Variants in ZFP91 observed in about 807,000 individuals in gnomAD.
ZFP91 encodes the protein E3 ubiquitin-protein ligase ZFP91.
ZFP91 carries 7 observed loss-of-function variants against 63.5 expected under a neutral mutation model. That is an observed-to-expected ratio of 0.11 (90% CI 0.06 to 0.21). ZFP91 has a LOEUF of 0.21. Among genes scored for constraint, ZFP91 ranks in the 10% least tolerant of loss-of-function variants. The pLI is 1.00. For missense variants in ZFP91, 628 were observed against 736.6 expected (o/e 0.85, Z 1.71); for synonymous variants, 330 against 272.1 (o/e 1.21, Z -2.10).
chr11:58,596,603 TG>T (rs1855408017), intron 2 of ZFP91, among the ~76,000 whole-genome samples: 1 of 152,184 alleles, frequency 6.6e-6, no homozygotes, highest in East Asian at 1.9e-4. Context: ...ATCTTCATCA[TG>T]TCATCTTGTT....
chr11:58,615,634 G>A (rs1590631078), intron 9 of ZFP91, among the ~76,000 whole-genome samples: 2 of 152,260 alleles, frequency 1.3e-5, no homozygotes, highest in Middle Eastern at 6.8e-3. Flanking sequence ...AGTTTCCTAA[G>A]TTAGAACTGT....
chr11:58,579,957 C>T (rs1383979076), intron 1 of ZFP91, among the ~76,000 whole-genome samples: 1 of 152,200 alleles, frequency 6.6e-6, no homozygotes, highest in Non-Finnish European at 1.5e-5. Context: ...CACCCTATCC[C>T]TTTCCTTTAG....
At position 58,618,530 on chromosome 11, in the gene ZFP91, T is replaced by C. The variant is rs1014352370; in HGVS notation, c.*824T>C. 2 of 387,260 alleles carry C rather than the reference T, an allele frequency of 5.2e-6. No individual in the cohort carries two copies. The highest frequency in any genetic ancestry group is 4.2e-5 in the African/African-American group (2 of 47,184). The allele number at this position is 387,260 out of a possible 1,614,324, so 24.0% of individuals were successfully genotyped here. A position where few individuals can be genotyped will look rare whatever the true frequency, so the allele number is the denominator to read the frequency against. On this transcript the variant is annotated 3_prime_UTR_variant, in exon 11 of 11. Coordinates refer to ENST00000316059, the MANE Select transcript of ZFP91 (RefSeq NM_053023.5). ...ATTTGCACTTTGAACATGTGTGTTT[T>C]TGTGTTGTGGAACCTGAGATTCCTT...
chr11:58,592,654 G>C (rs1855327451), intron 2 of ZFP91, among the ~76,000 whole-genome samples: 1 of 152,104 alleles, frequency 6.6e-6, no homozygotes, highest in Admixed American at 6.6e-5. Flanking sequence ...ACCGAACGCT[G>C]GGGGGTTAGG....
chr11:58,598,165 T>G (rs1261404328), intron 2 of ZFP91, among the ~76,000 whole-genome samples: 24 of 152,304 alleles, frequency 1.6e-4, no homozygotes, highest in Non-Finnish European at 1.6e-4. Context: ...TACGTTTCTT[T>G]ACATTTCTCT....
At position 58,610,979 on chromosome 11, in the gene ZFP91, A is replaced by G. The variant is rs113748078; in HGVS notation, c.647A>G (p.Glu216Gly). The G allele has an allele frequency of 6.2e-7, 1 of 1,612,932 alleles. No individual in the cohort carries two copies. Among genetic ancestry groups the G allele is most frequent in the East Asian group, 2.2e-5 (1 of 44,780 alleles). ...GAAGAGGAAGAGGAGGAGGAAGAAG[A>G]GATGTTAATCAGTGAAGAGGAGATA... ...SSEEEEEEEE[E>G]MLISEEEIPF... Residue 216 changes from glutamate to glycine, a missense_variant, in exon 5 of 11, where the codon GAG becomes GGG. Around this residue, in one of 3 missense-constraint regions of ZFP91, gnomAD observed 437 missense variants for 380.3 expected, o/e 1.15. Coordinates refer to ENST00000316059, the MANE Select transcript of ZFP91 (RefSeq NM_053023.5).
intron 2 of ZFP91, 44 bp downstream of exon 2, chr11:58,584,928 T>A: frequency 7.2e-7 from 1 of 1,395,110 alleles, no homozygotes; most frequent in South Asian, 1.7e-5. Context: ...TTACACTGAT[T>A]ATCTTTTAAT....
intron 9 of ZFP91, among the ~76,000 whole-genome samples, chr11:58,615,162 G>A (rs1009006650): frequency 6.6e-6 from 1 of 152,164 alleles, no homozygotes; most frequent in Non-Finnish European, 1.5e-5. Flanking sequence ...TTATTGTAGG[G>A]ATGAAATGAG....
intron 9 of ZFP91, among the ~76,000 whole-genome samples, chr11:58,616,355 T>C (rs1855748830): frequency 6.6e-6 from 1 of 152,274 alleles, no homozygotes; most frequent in South Asian, 2.1e-4. Flanking sequence ...GTGAAAAAAA[T>C]TGTTTACTCC....
Position 58,579,063 on chromosome 11 carries a change from GTGGCGCGCGCGCGCGCGCC to G in ZFP91, c.-218_-200del. 1 of 362,620 alleles carries G rather than the reference GTGGCGCGCGCGCGCGCGCC, an allele frequency of 2.8e-6. No individual in the cohort carries two copies. Among genetic ancestry groups the G allele is most frequent in the East Asian group, 4.3e-5 (1 of 23,006 alleles). 22.5% of individuals were successfully genotyped at this position (362,620 alleles called of 1,614,324 possible). A position where few individuals can be genotyped will look rare whatever the true frequency, so the allele number is the denominator to read the frequency against. On this transcript the variant is annotated 5_prime_UTR_variant, in exon 1 of 11. Coordinates refer to ENST00000316059, the MANE Select transcript of ZFP91 (RefSeq NM_053023.5). ...TTTCCGATTGGCCCGCTGAGCGTCT[GTGGCGCGCGCGCGCGCGCC>G]GCCAGCGGTAGCGGACCTTGAGTGG...
intron 2 of ZFP91, among the ~76,000 whole-genome samples, chr11:58,599,869 T>C (rs1430916648): frequency 1.3e-5 from 2 of 152,048 alleles, no homozygotes; most frequent in Admixed American, 6.6e-5. Context: ...TTATATATGG[T>C]ATAAGGTAGG....
At chr11:58,600,980 C>T (rs567659134) in intron 2 of ZFP91, among the ~76,000 whole-genome samples, 1 of 152,246 alleles carries the variant, frequency 6.6e-6, no homozygotes, top group Admixed American at 6.5e-5. Flanking sequence ...GAACCACCCT[C>T]ATAATCCTGG....
intron 1 of ZFP91, 76 bp downstream of exon 1, chr11:58,579,698 T>C: frequency 1.5e-6 from 2 of 1,344,404 alleles, no homozygotes; most frequent in Non-Finnish European, 2.0e-6. Context: ...CCGTAGCGCC[T>C]ACTCCACGTG....
chr11:58,592,445 C>T (rs549825725), intron 2 of ZFP91, among the ~76,000 whole-genome samples: 2 of 152,182 alleles, frequency 1.3e-5, no homozygotes, highest in South Asian at 4.2e-4. Context: ...CAGCTAATTT[C>T]ATTATATCAT....
Position 58,579,063 on chromosome 11 carries a change from G to A in ZFP91, c.-219G>A. The A allele has an allele frequency of 2.8e-6, 1 of 362,620 alleles. No homozygotes were observed. 22.5% of individuals were successfully genotyped at this position (362,620 alleles called of 1,614,324 possible). On this transcript the variant is annotated 5_prime_UTR_variant, in exon 1 of 11. It adds an upstream start codon to the 5' untranslated region. Coordinates refer to ENST00000316059, the MANE Select transcript of ZFP91 (RefSeq NM_053023.5). ...TTTCCGATTGGCCCGCTGAGCGTCT[G>A]TGGCGCGCGCGCGCGCGCCGCCAGC...
intron 1 of ZFP91, 66 bp from the exon 2 acceptor site, chr11:58,584,790 G>A: frequency 7.2e-7 from 1 of 1,388,792 alleles, no homozygotes; most frequent in Non-Finnish European, 9.8e-7. Context: ...GAACCTGAAA[G>A]AGATATTTAT....
chr11:58,617,554 A>G lies in ZFP91; in HGVS notation c.1561A>G (p.Ser521Gly), dbSNP rs1242727884. The change falls in exon 11 of 11, where the codon AGT becomes GGT. Residue 521 changes from serine to glycine, a missense_variant. By Grantham distance (56) the Ser-to-Gly change is moderately conservative. Coordinates refer to ENST00000316059, the MANE Select transcript of ZFP91 (RefSeq NM_053023.5). The surrounding 1 kb of genome is among the most constrained non-coding windows in gnomAD (Gnocchi z 4.2). The part of the protein sequence containing the change: ...EAEGMSKSYC[S>G]GTERVSLMAD... The stretch of plus-strand genomic sequence containing the variant: ...TGAAGGGATGTCAAAGTCATACTGC[A>G]GTGGGACGGAACGGGTGAGCCTGAT... 2 of 1,613,728 alleles carry G rather than the reference A, an allele frequency of 1.2e-6. No homozygotes were observed. The highest frequency in any genetic ancestry group is 1.1e-5 in the South Asian group (1 of 91,030).
intron 2 of ZFP91, among the ~76,000 whole-genome samples, chr11:58,596,885 T>G (rs1368485276): frequency 6.6e-6 from 1 of 152,114 alleles, no homozygotes; most frequent in Non-Finnish European, 1.5e-5. Flanking sequence ...TCTATTGGGA[T>G]TTTCTTACAT....
At chr11:58,614,584 C>T (rs1164944964) in intron 9 of ZFP91, among the ~76,000 whole-genome samples, 1 of 152,142 alleles carries the variant, frequency 6.6e-6, no homozygotes, top group Non-Finnish European at 1.5e-5. Flanking sequence ...TTCTATTGAG[C>T]ATTTATTCTG....
Sources: allele counts gnomAD v4.1 joint callset (sites outside exome capture counted in the v4.1 genomes callset), GRCh38; gene constraint gnomAD v4.1.1; regional missense constraint gnomAD v4.1.1; non-coding constraint Gnocchi (gnomAD v3.1); transcripts MANE v1.5; gene names NCBI Gene and HGNC (gene_info 2026-07-23, HGNC 2026-07-21).